The following SYNPR variants were observed in gnomAD, a reference collection of about 807,000 sequenced individuals.
SYNPR encodes synaptoporin.
In SYNPR, 23 loss-of-function variants were observed where a neutral mutation model predicts 32.9. That is an observed-to-expected ratio of 0.70 (90% CI 0.50 to 0.99). SYNPR has a LOEUF of 0.99. SYNPR is among the 50% of genes least tolerant of loss of function. The pLI, the probability that SYNPR is intolerant of heterozygous loss-of-function variation, is 0.00. For synonymous variants in SYNPR, 146 were observed against 135.9 expected, an observed-to-expected ratio of 1.07 and a Z score of -0.52; for missense variants, 318 against 349.3, an observed-to-expected ratio of 0.91 and a Z score of 0.71.
At chr3:63,237,409 T>C (rs1030168814) in intron 1 of SYNPR, among the ~76,000 whole-genome samples, 2 of 152,206 alleles carry the variant, frequency 1.3e-5, no homozygotes, top group Admixed American at 6.5e-5. Flanking sequence ...TTCTTTTTAA[T>C]TGACAATTTT....
intron 3 of SYNPR, among the ~76,000 whole-genome samples, chr3:63,506,408 G>T (rs1398495952): frequency 1.3e-5 from 2 of 152,096 alleles, no homozygotes; most frequent in Non-Finnish European, 2.9e-5. Context: ...TTTATTTTGA[G>T]AAAGCTTATT....
intron 3 of SYNPR, among the ~76,000 whole-genome samples, chr3:63,546,481 C>CT (rs1702404087): frequency 6.6e-6 from 1 of 152,024 alleles, no homozygotes; most frequent in African/African-American, 2.4e-5. Context: ...GAAATGGGAG[C>CT]TACATGCTGG....
chr3:63,464,621 A>G (rs1300390828), intron 2 of SYNPR, among the ~76,000 whole-genome samples: 2 of 152,030 alleles, frequency 1.3e-5, no homozygotes, highest in South Asian at 2.1e-4. Context: ...AGAAAGAATT[A>G]TCTCTCATGT....
At chr3:63,495,381 A>T (rs1441388728) in intron 3 of SYNPR, among the ~76,000 whole-genome samples, 1 of 152,190 alleles carries the variant, frequency 6.6e-6, no homozygotes, top group African/African-American at 2.4e-5. Flanking sequence ...AACATCTTTG[A>T]TTGCAATGAA....
chr3:63,298,756 G>C (rs528562582), intron 2 of SYNPR, among the ~76,000 whole-genome samples: 1 of 152,234 alleles, frequency 6.6e-6, no homozygotes, highest in South Asian at 2.1e-4. Flanking sequence ...TAAGGGAGTA[G>C]AGACATGAGA....
At chr3:63,440,613 A>C in intron 2 of SYNPR, among the ~76,000 whole-genome samples, 1 of 152,310 alleles carries the variant, frequency 6.6e-6, no homozygotes, top group South Asian at 2.1e-4. Context: ...AGGCAGAAAG[A>C]GCTAACCCAA....
chr3:63,275,986 C>A (rs921620635), upstream of SYNPR, among the ~76,000 whole-genome samples: 8 of 152,066 alleles, frequency 5.3e-5, no homozygotes, highest in African/African-American at 1.9e-4. Context: ...GCTGCAGTAA[C>A]AAAAGACCTA....
At chr3:63,446,730 G>A (rs1408352643) in intron 2 of SYNPR, among the ~76,000 whole-genome samples, 1 of 152,068 alleles carries the variant, frequency 6.6e-6, no homozygotes, top group Non-Finnish European at 1.5e-5. Context: ...CAAACTCAGA[G>A]GGATCTTAAA....
At chr3:63,501,533 T>G (rs9809266) in intron 3 of SYNPR, among the ~76,000 whole-genome samples, 88,374 of 134,304 alleles carry the variant, frequency 0.66, 27,175 homozygotes, top group African/African-American at 0.7. Flanking sequence ...AAAGAAAAAA[T>G]AATAGAATAG....
Position 63,542,484 on chromosome 3 carries a change from G to C in SYNPR, c.210-14059G>C, listed in dbSNP as rs577074969. Among the ~76,000 whole-genome samples, 6 of 152,212 alleles carry C rather than the reference G, an allele frequency of 3.9e-5. No individual in the cohort carries two copies. The East Asian group carries it at 1.2e-3, about 29-fold the overall frequency. ...TGAGATAAAGGATTGGAGAGGTAAT[G>C]TTTATACTGAGTAATCACTCCAGTG... On this transcript the variant is annotated intron_variant, in intron 3 of 5. Transcript: ENST00000478300.
chr3:63,545,646 T>A (rs1263361003), intron 3 of SYNPR: 1 of 152,098 alleles, frequency 6.6e-6, no homozygotes, highest in Non-Finnish European at 1.5e-5. Context: ...AAGTAAGGCA[T>A]GTACAGGTCA....
chr3:63,469,997 C>T (rs1700765980), intron 2 of SYNPR, among the ~76,000 whole-genome samples: 1 of 152,102 alleles, frequency 6.6e-6, no homozygotes, highest in Non-Finnish European at 1.5e-5. Context: ...ATGTTGTCTA[C>T]ATTTATGATT....
intron 1 of SYNPR, among the ~76,000 whole-genome samples, chr3:63,233,185 T>C (rs1350053652): frequency 2.6e-5 from 4 of 152,158 alleles, no homozygotes; most frequent in African/African-American, 9.6e-5. Context: ...TATTTGAGAG[T>C]GGAGCCCAAA....
intron 4 of SYNPR, among the ~76,000 whole-genome samples, chr3:63,605,761 AAAG>A (rs1437878864): frequency 1.3e-5 from 2 of 152,216 alleles, no homozygotes; most frequent in African/African-American, 4.8e-5. Flanking sequence ...TTGAAGAAAG[AAAG>A]AAGAAGGAGC....
intron 2 of SYNPR, among the ~76,000 whole-genome samples, chr3:63,264,141 G>A (rs1408177284): frequency 1.3e-5 from 2 of 152,126 alleles, no homozygotes; most frequent in Non-Finnish European, 2.9e-5. Flanking sequence ...CTTGTGATTA[G>A]TGTATATAAA....
In SYNPR at chr3:63,468,491, GCA is replaced by G. The variant is rs10663212; in HGVS notation, c.85-12318_85-12317del. ...GGATTCTATTTAATATACCTGCAAA[GCA>G]CACACACACACACACACACACAAAT... On this transcript the variant is annotated intron_variant, in intron 2 of 5. Coordinates refer to ENST00000478300, the MANE Select transcript of SYNPR (RefSeq NM_001130003.2). 4.9e-3 allele frequency among the ~76,000 whole-genome samples: 730 copies of G among 148,394 alleles called. 8 individuals carry two copies. The highest frequency in any genetic ancestry group is 0.016 in the African/African-American group (635 of 40,110).
intron 2 of SYNPR, chr3:63,443,548 G>C (rs1700219780): frequency 3.4e-6 from 5 of 1,451,672 alleles, no homozygotes; most frequent in Non-Finnish European, 3.8e-6. Context: ...AGGCACATTT[G>C]GATTGTACAC....
At chr3:63,398,078 C>G (rs1046964058) in intron 2 of SYNPR, among the ~76,000 whole-genome samples, 1 of 152,030 alleles carries the variant, frequency 6.6e-6, no homozygotes, top group Admixed American at 6.6e-5. Context: ...TTTAGAAGAG[C>G]CTGGGCTGCA....
At chr3:63,369,137 C>A (rs549037077) in intron 2 of SYNPR, among the ~76,000 whole-genome samples, 1 of 152,146 alleles carries the variant, frequency 6.6e-6, no homozygotes, top group East Asian at 1.9e-4. Flanking sequence ...TGACTGGTGT[C>A]CTTTTAGGAA....
Sources: allele counts gnomAD v4.1 joint callset (sites outside exome capture counted in the v4.1 genomes callset), GRCh38; gene constraint gnomAD v4.1.1; transcripts MANE v1.5; gene names NCBI Gene and HGNC (gene_info 2026-07-23, HGNC 2026-07-21).